Variants in SMOC1 observed in about 807,000 individuals in gnomAD.
SMOC1 encodes SPARC-related modular calcium-binding protein 1.
A neutral mutation model predicts 56.3 loss-of-function variants in SMOC1; 22 were observed. That is an observed-to-expected ratio of 0.39 (90% confidence interval 0.28 to 0.56). The LOEUF is 0.56. SMOC1 is among the 20% of genes least tolerant of loss of function. The pLI is 0.61. For synonymous variants in SMOC1, 193 were observed against 215.0 expected (o/e 0.90, Z 0.89); for missense variants, 509 against 565.4 (o/e 0.90, Z 1.01).
intron 1 of SMOC1, among the ~76,000 whole-genome samples, chr14:69,919,441 AT>A (rs1331705060): frequency 3.6e-4 from 55 of 152,248 alleles, no homozygotes; most frequent in Admixed American, 2.0e-4. Flanking sequence ...TACTTAAAAA[AT>A]AATAGTTATA....
chr14:69,932,836 G>A (rs182485299), intron 1 of SMOC1, among the ~76,000 whole-genome samples: 1 of 152,016 alleles, frequency 6.6e-6, no homozygotes, highest in African/African-American at 2.4e-5. Context: ...AAGTATTTTG[G>A]GGACGCTGGC....
At chr14:69,955,677 A>G (rs1039764027) in intron 3 of SMOC1, among the ~76,000 whole-genome samples, 3 of 124,414 alleles carry the variant, frequency 2.4e-5, no homozygotes, top group African/African-American at 3.7e-5. Context: ...CGATACCACT[A>G]TACCGCTTAA....
chr14:69,907,292 A>G (rs1240885088), intron 1 of SMOC1, among the ~76,000 whole-genome samples: 1 of 152,242 alleles, frequency 6.6e-6, no homozygotes, highest in African/African-American at 2.4e-5. Context: ...CTGTCTATTT[A>G]TAAAAGGTAA....
At chr14:69,947,073 C>A (rs763586343) in intron 1 of SMOC1, among the ~76,000 whole-genome samples, 1 of 151,026 alleles carries the variant, frequency 6.6e-6, no homozygotes, top group Non-Finnish European at 1.5e-5. Flanking sequence ...TATAAATTAC[C>A]CAGTCTCAGG....
Position 69,961,272 on chromosome 14 carries a change from G to GTGTATATATA in SMOC1, c.378+7741_378+7742insGTATATATAT, listed in dbSNP as rs1447169812. Among the ~76,000 whole-genome samples the GTGTATATATA allele has an allele frequency of 4.3e-4, 32 of 74,980 alleles. 1 individual carries two copies. Among genetic ancestry groups the GTGTATATATA allele is most frequent in the African/African-American group, 6.7e-4 (11 of 16,452 alleles). 49.2% of individuals were successfully genotyped at this position (74,980 alleles called of 152,430 possible). ...TTATTGTCAAGCAATATTCTATTGT[G>GTGTATATATA]TATATATATATATATATATATATAT... On this transcript the variant is annotated intron_variant, in intron 3 of 11. Transcript: ENST00000361956.
intron 2 of SMOC1, 116 bp from the exon 3 acceptor site, chr14:69,953,304 C>G (rs1319106644): frequency 1.1e-6 from 1 of 900,554 alleles, no homozygotes. Flanking sequence ...GTTGGACAAG[C>G]CAGTTAGTTG....
chr14:69,908,298 A>G (rs903678303), intron 1 of SMOC1, among the ~76,000 whole-genome samples: 28 of 152,242 alleles, frequency 1.8e-4, no homozygotes, highest in African/African-American at 6.8e-4. Flanking sequence ...TAAAAGGAAC[A>G]TGTATTTCTT....
At chr14:69,977,808 C>T (rs949011591) in intron 4 of SMOC1, 110 bp from the exon 5 acceptor site, 8 of 829,382 alleles carry the variant, frequency 9.6e-6, no homozygotes, top group African/African-American at 3.3e-5. Context: ...GTATACAATA[C>T]ATATATACAT....
At chr14:69,882,579 A>G (rs761519711) in intron 1 of SMOC1, among the ~76,000 whole-genome samples, 2 of 152,212 alleles carry the variant, frequency 1.3e-5, no homozygotes, top group African/African-American at 2.4e-5. Context: ...GACGTTGGTC[A>G]GGATTCTTTT....
At chr14:69,983,527 T>C (rs543343761) in intron 5 of SMOC1, among the ~76,000 whole-genome samples, 1 of 152,320 alleles carries the variant, frequency 6.6e-6, no homozygotes, top group South Asian at 2.1e-4. Context: ...CTCTGGGAAG[T>C]TGCCACCTCT....
chr14:70,023,592 G>A (rs1398743793), intron 11 of SMOC1, 145 bp downstream of exon 11: 8 of 1,221,408 alleles, frequency 6.5e-6, no homozygotes, highest in Non-Finnish European at 9.5e-6. Context: ...CATGCTAGAT[G>A]TTTGAGACAG....
chr14:69,924,963 G>T (rs1333128465), intron 1 of SMOC1, among the ~76,000 whole-genome samples: 1 of 56,798 alleles, frequency 1.8e-5, no homozygotes, highest in Non-Finnish European at 3.9e-5. Context: ...GGGGAGCTAG[G>T]GGAGGTAGAG....
intron 6 of SMOC1, among the ~76,000 whole-genome samples, chr14:69,993,817 C>T (rs940236980): frequency 6.6e-6 from 1 of 152,154 alleles, no homozygotes; most frequent in African/African-American, 2.4e-5. Flanking sequence ...ACAGTATGCT[C>T]AGGTCACTTA....
intron 1 of SMOC1, among the ~76,000 whole-genome samples, chr14:69,904,911 A>G (rs772165502): frequency 7.9e-5 from 12 of 152,178 alleles, no homozygotes; most frequent in Non-Finnish European, 1.3e-4. Context: ...GCAGGATATC[A>G]CAGAACACCA....
intron 3 of SMOC1, among the ~76,000 whole-genome samples, chr14:69,953,747 A>G (rs556714136): frequency 6.6e-6 from 1 of 152,168 alleles, no homozygotes; most frequent in East Asian, 1.9e-4. Context: ...GAAAAGACGC[A>G]TGGAAGCCCA....
chr14:69,898,464 GT>G (rs199641037), intron 1 of SMOC1, among the ~76,000 whole-genome samples: 17 of 146,768 alleles, frequency 1.2e-4, no homozygotes, highest in East Asian at 9.9e-4. Flanking sequence ...ATTCAATTCT[GT>G]TTTTTTTTTC....
At chr14:69,962,533 A>G (rs1883421894) in intron 3 of SMOC1, among the ~76,000 whole-genome samples, 1 of 151,756 alleles carries the variant, frequency 6.6e-6, no homozygotes, top group Admixed American at 6.6e-5. Flanking sequence ...TACGTTCTCA[A>G]TAATTTCCTT....
chr14:69,932,385 C>T (rs1885189422), intron 1 of SMOC1, among the ~76,000 whole-genome samples: 1 of 152,168 alleles, frequency 6.6e-6, no homozygotes, highest in Non-Finnish European at 1.5e-5. Context: ...GACTTTACTA[C>T]CACGCCACCC....
At chr14:69,976,046 A>G (rs1336064573) in intron 4 of SMOC1, among the ~76,000 whole-genome samples, 2 of 152,194 alleles carry the variant, frequency 1.3e-5, no homozygotes, top group Admixed American at 6.5e-5. Context: ...TTTTGGTTCA[A>G]TGCTCTCCTT....
Sources: allele counts gnomAD v4.1 joint callset (sites outside exome capture counted in the v4.1 genomes callset), GRCh38; gene constraint gnomAD v4.1.1; transcripts MANE v1.5; gene names NCBI Gene and HGNC (gene_info 2026-07-23, HGNC 2026-07-21).